Variants in KDM2A observed in about 807,000 individuals in gnomAD.
KDM2A encodes lysine demethylase 2A.
A neutral mutation model predicts 137.3 loss-of-function variants in KDM2A; 3 were observed. The observed-to-expected ratio is 0.02, with a 90% CI of 0.01 to 0.06. The LOEUF (loss-of-function observed/expected upper bound fraction) is 0.06, where lower values mean the gene tolerates loss of function less well. Ranked by LOEUF, KDM2A falls within the 10% of genes least tolerant of loss-of-function variation. The pLI, the probability that KDM2A is intolerant of heterozygous loss-of-function variation, is 1.00. For missense variants in KDM2A, 738 were observed against 1,510.6 expected (o/e 0.49, Z 8.48); for synonymous variants, 512 against 541.5 (o/e 0.95, Z 0.76).
At chr11:67,169,668 G>A (rs572669350) in intron 2 of KDM2A, among the ~76,000 whole-genome samples, 27 of 150,940 alleles carry the variant, frequency 1.8e-4, no homozygotes, top group Admixed American at 3.3e-4. Flanking sequence ...GAGCCACTGC[G>A]CTCAGCCCAT....
At chr11:67,149,051 AC>A (rs1261528740) in intron 2 of KDM2A, 2 of 152,128 alleles carry the variant, frequency 1.3e-5, no homozygotes, top group Non-Finnish European at 2.9e-5. Context: ...TGCTTCCTTT[AC>A]AGATGGTGGC....
chr11:67,221,974 TA>T (rs994793987), intron 10 of KDM2A, among the ~76,000 whole-genome samples: 33 of 148,632 alleles, frequency 2.2e-4, no homozygotes, highest in African/African-American at 7.9e-4. Flanking sequence ...CTAAAATAGG[TA>T]AATATTCTAA....
chr11:67,164,630 T>A (rs1205262345), intron 2 of KDM2A, among the ~76,000 whole-genome samples: 2 of 152,146 alleles, frequency 1.3e-5, no homozygotes, highest in African/African-American at 4.8e-5. Flanking sequence ...GTTGGACTTT[T>A]TTTTTTTGGA....
chr11:67,193,774 C>A (rs1857412714), intron 5 of KDM2A, among the ~76,000 whole-genome samples: 1 of 152,156 alleles, frequency 6.6e-6, no homozygotes, highest in South Asian at 2.1e-4. Context: ...GGCAGAAGAA[C>A]TGCTTGAACC....
At chr11:67,248,167 C>A in intron 15 of KDM2A, 114 bp from the exon 16 acceptor site, 1 of 756,982 alleles carries the variant, frequency 1.3e-6, no homozygotes, top group Non-Finnish European at 2.2e-6. Flanking sequence ...CACAGTTTTT[C>A]TCCCTTTATG....
Position 67,250,583 on chromosome 11 carries a change from G to A in KDM2A, c.2553G>A (p.Glu851=), listed in dbSNP as rs1347283475. ...PARTPQRGDE[E]GLGGEEEEEE... is the part of the protein sequence containing the mutation. ...GAACCCCCCAGCGTGGGGATGAGGA[G>A]GGGCTGGGGGGAGAGGAGGAGGAAG... is the stretch of plus-strand genomic sequence containing the variant. Residue 851 remains glutamate (E), a synonymous_variant, in exon 17 of 21, where the codon GAG becomes GAA. Coordinates refer to ENST00000529006, the MANE Select transcript of KDM2A (RefSeq NM_012308.3). This position sits in a 1 kb window ranked among gnomAD's most constrained non-coding sequence, Gnocchi z 7.1. 2 of 1,613,172 alleles carry A rather than the reference G, an allele frequency of 1.2e-6. No homozygotes were observed. Among genetic ancestry groups the A allele is most frequent in the Non-Finnish European group, 1.7e-6 (2 of 1,179,468 alleles).
chr11:67,121,658 T>TACTG (rs1483400591), intron 2 of KDM2A, among the ~76,000 whole-genome samples: 1 of 152,226 alleles, frequency 6.6e-6, no homozygotes, highest in Non-Finnish European at 1.5e-5. Flanking sequence ...GATTTTACAG[T>TACTG]ACTGACATTG....
chr11:67,214,345 C>T (rs1011124667), intron 6 of KDM2A, among the ~76,000 whole-genome samples: 21 of 151,912 alleles, frequency 1.4e-4, no homozygotes, highest in African/African-American at 4.3e-4. Flanking sequence ...GCTGGGACTA[C>T]GGGCGCCCGC....
intron 18 of KDM2A, among the ~76,000 whole-genome samples, chr11:67,253,236 G>A (rs143597843): frequency 2.0e-5 from 3 of 152,306 alleles, no homozygotes; most frequent in African/African-American, 7.2e-5. Context: ...ACTCCTTCTT[G>A]TATTGCTCTG....
chr11:67,224,137 A>T (rs1015474531), intron 10 of KDM2A, among the ~76,000 whole-genome samples: 22 of 152,196 alleles, frequency 1.4e-4, no homozygotes, highest in African/African-American at 4.3e-4. Flanking sequence ...AAGGTTTTTG[A>T]AAAGGGACTC....
At chr11:67,170,411 T>G (rs1467460274) in intron 2 of KDM2A, among the ~76,000 whole-genome samples, 2 of 134,262 alleles carry the variant, frequency 1.5e-5, no homozygotes, top group Non-Finnish European at 3.2e-5. Flanking sequence ...TTTCTTTCTT[T>G]TTTTTTTTTT....
chr11:67,168,196 G>A (rs1856789554), intron 2 of KDM2A, among the ~76,000 whole-genome samples: 2 of 152,040 alleles, frequency 1.3e-5, no homozygotes, highest in Non-Finnish European at 2.9e-5. Context: ...AATTTGAAGA[G>A]ATCACTGCTA....
intron 7 of KDM2A, 155 bp downstream of exon 7, chr11:67,215,601 T>C: frequency 3.1e-6 from 2 of 636,942 alleles, no homozygotes; most frequent in Non-Finnish European, 5.6e-6. Flanking sequence ...CAAGGAAGAG[T>C]GTATGTGAGC....
intron 2 of KDM2A, among the ~76,000 whole-genome samples, chr11:67,168,645 ACACACACACACACACACACG>A (rs1856807181): frequency 6.8e-6 from 1 of 147,702 alleles, no homozygotes; most frequent in Non-Finnish European, 1.5e-5. Context: ...ACACACACAC[ACACACACACACACACACACG>A]GTCGGGGGGA....
At position 67,217,630 on chromosome 11, in the gene KDM2A, C is replaced by G. The variant is rs1858210420; in HGVS notation, c.688-101C>G. 1.2e-5 allele frequency: 15 copies of G among 1,215,160 alleles called. No homozygotes were observed. In the South Asian group the frequency reaches 2.0e-4, roughly 16 times the overall value. The allele number at this position is 1,215,160 out of a possible 1,614,324, so 75.3% of individuals were successfully genotyped here. A position where few individuals can be genotyped will look rare whatever the true frequency, so the allele number is the denominator to read the frequency against. On this transcript the variant is annotated intron_variant, in intron 8 of 20. Coordinates refer to ENST00000529006, the MANE Select transcript of KDM2A (RefSeq NM_012308.3). ...TAGGCTGGGAAAATTGCTTGCCTTT[C>G]TTCTACCTGGTGGTCTTAATTTTGT...
rs140224647 is a variant in KDM2A at position 67,180,368 on chromosome 11, C to T, written c.181+151C>T. ...TGTTATACAATGCCATTTGCATGCA[C>T]TTATCCCCCAGTCCTCCCACCCTGT... On this transcript the variant is annotated intron_variant, in intron 3 of 20. Coordinates refer to ENST00000529006, the MANE Select transcript of KDM2A (RefSeq NM_012308.3). The T allele has an allele frequency of 2.2e-4, 149 of 688,694 alleles. No individual in the cohort carries two copies. In the African/African-American group the frequency reaches 2.4e-3, roughly 11 times the overall value. The allele number at this position is 688,694 out of a possible 1,614,324, so 42.7% of individuals were successfully genotyped here.
intron 2 of KDM2A, among the ~76,000 whole-genome samples, chr11:67,141,009 C>T (rs1856086657): frequency 6.6e-6 from 1 of 152,060 alleles, no homozygotes; most frequent in African/African-American, 2.4e-5. Context: ...CATGCTTGCT[C>T]AAGTCAAAGG....
chr11:67,166,752 CT>C (rs1396084987), intron 2 of KDM2A, among the ~76,000 whole-genome samples: 1 of 152,000 alleles, frequency 6.6e-6, no homozygotes, highest in Non-Finnish European at 1.5e-5. Flanking sequence ...AGGGAGTACA[CT>C]GGTTCAGGTT....
chr11:67,188,502 A>G (rs1322297729), intron 5 of KDM2A, among the ~76,000 whole-genome samples: 2 of 148,150 alleles, frequency 1.3e-5, no homozygotes, highest in Non-Finnish European at 3.0e-5. Context: ...AAAAAGAAAG[A>G]AAAAATGGTT....
Sources: allele counts gnomAD v4.1 joint callset (sites outside exome capture counted in the v4.1 genomes callset), GRCh38; gene constraint gnomAD v4.1.1; non-coding constraint Gnocchi (gnomAD v3.1); transcripts MANE v1.5; gene names NCBI Gene and HGNC (gene_info 2026-07-23, HGNC 2026-07-21).